The following SPOCK1 variants were observed in gnomAD, a reference collection of about 807,000 sequenced individuals.
The protein encoded by SPOCK1 is testican-1.
Under a neutral mutation model 55.3 loss-of-function variants are expected in SPOCK1, and 23 were observed. The observed-to-expected ratio is 0.42, with a 90% CI of 0.30 to 0.59. The LOEUF (loss-of-function observed/expected upper bound fraction) is 0.59, where lower values mean the gene tolerates loss of function less well. Among genes scored for constraint, SPOCK1 ranks in the 20% least tolerant of loss-of-function variants. The pLI, the probability that SPOCK1 is intolerant of heterozygous loss-of-function variation, is 0.22. For missense variants in SPOCK1, 499 were observed against 552.5 expected (o/e 0.90, Z 0.97); for synonymous variants, 226 against 221.0 (o/e 1.02, Z -0.20).
At chr5:137,290,483 A>G (rs1757353234) in intron 2 of SPOCK1, among the ~76,000 whole-genome samples, 1 of 152,168 alleles carries the variant, frequency 6.6e-6, no homozygotes, top group South Asian at 2.1e-4. Context: ...CAATTAGGGG[A>G]GCATGAGCGA....
intron 4 of SPOCK1, among the ~76,000 whole-genome samples, chr5:137,130,722 G>A (rs1753858384): frequency 6.6e-6 from 1 of 152,244 alleles, no homozygotes; most frequent in African/African-American, 2.4e-5. Context: ...TAGACTTGCA[G>A]TTCACTGGGA....
chr5:137,496,281 A>T (rs1180122729), intron 2 of SPOCK1, among the ~76,000 whole-genome samples: 4 of 152,220 alleles, frequency 2.6e-5, no homozygotes, highest in African/African-American at 9.6e-5. Flanking sequence ...TTGGAAACAC[A>T]CTGTTCCAAA....
intron 4 of SPOCK1, among the ~76,000 whole-genome samples, chr5:137,128,965 T>C (rs1239428951): frequency 2.0e-5 from 3 of 152,204 alleles, no homozygotes. Flanking sequence ...CAGAACCCTC[T>C]AGATTCTCTC....
At chr5:137,337,976 T>C (rs998368763) in intron 2 of SPOCK1, among the ~76,000 whole-genome samples, 4 of 152,204 alleles carry the variant, frequency 2.6e-5, no homozygotes, top group South Asian at 2.1e-4. Context: ...CCTGAGTCTG[T>C]TTCTCTATCT....
chr5:137,017,597 ACAT>A (rs1209298656), intron 6 of SPOCK1, among the ~76,000 whole-genome samples: 1 of 152,214 alleles, frequency 6.6e-6, no homozygotes, highest in African/African-American at 2.4e-5. Flanking sequence ...GTCTTAAAGG[ACAT>A]CATAATAGAA....
At chr5:137,014,004 A>G (rs1425105226) in intron 6 of SPOCK1, among the ~76,000 whole-genome samples, 2 of 152,038 alleles carry the variant, frequency 1.3e-5, no homozygotes, top group Admixed American at 1.3e-4. Flanking sequence ...CCTTGCCCAA[A>G]TCTATGTTGA....
chr5:137,058,838 A>C (rs1561593863), intron 6 of SPOCK1, among the ~76,000 whole-genome samples: 2 of 152,150 alleles, frequency 1.3e-5, no homozygotes, highest in Admixed American at 1.3e-4. Flanking sequence ...AGTGGTGAGA[A>C]GGGCACATTT....
At chr5:137,441,668 T>C (rs1407524436) in intron 2 of SPOCK1, among the ~76,000 whole-genome samples, 1 of 152,226 alleles carries the variant, frequency 6.6e-6, no homozygotes, top group South Asian at 2.1e-4. Flanking sequence ...CTGTGTCTTA[T>C]GCTGCACGGA....
intron 5 of SPOCK1, among the ~76,000 whole-genome samples, chr5:137,094,045 G>A (rs1036263763): frequency 2.0e-4 from 30 of 152,332 alleles, no homozygotes; most frequent in African/African-American, 6.7e-4. Flanking sequence ...ATGGGGATAA[G>A]TGGCCAAAAT....
intron 5 of SPOCK1, among the ~76,000 whole-genome samples, chr5:137,074,262 A>T (rs565670113): frequency 6.6e-6 from 1 of 152,354 alleles, no homozygotes; most frequent in East Asian, 1.9e-4. Flanking sequence ...AAAACACATT[A>T]TTATACAAAC....
chr5:137,163,579 C>T (rs1282687154), intron 3 of SPOCK1, among the ~76,000 whole-genome samples: 1 of 152,190 alleles, frequency 6.6e-6, no homozygotes, highest in African/African-American at 2.4e-5. Context: ...TACCATCTCA[C>T]TAAATCCTCA....
At chr5:137,245,157 G>T (rs917623972) in intron 3 of SPOCK1, among the ~76,000 whole-genome samples, 1 of 152,110 alleles carries the variant, frequency 6.6e-6, no homozygotes, top group Non-Finnish European at 1.5e-5. Flanking sequence ...CCCACTAAAA[G>T]GAGAAAATAA....
rs558199498 is a variant in SPOCK1, at chr5:137,414,574, A to T, written c.186+83799T>A. Among the ~76,000 whole-genome samples the T allele has an allele frequency of 2.6e-5, 4 of 152,326 alleles. No individual in the cohort carries two copies. In the East Asian group the frequency reaches 7.7e-4, roughly 29 times the overall value. On this transcript the variant is annotated intron_variant, in intron 2 of 10. Transcript: ENST00000394945. ...CATTTCCCCATATTAAATGGAAGAC[A>T]TTCACTTGCTGGGGGCGAAACATTG... is the stretch of plus-strand genomic sequence containing the variant.
intron 6 of SPOCK1, among the ~76,000 whole-genome samples, chr5:137,051,919 C>A (rs1311988712): frequency 1.3e-5 from 2 of 152,174 alleles, no homozygotes; most frequent in African/African-American, 4.8e-5. Context: ...TGGCTTACTG[C>A]TTTTGACCTG....
intron 2 of SPOCK1, among the ~76,000 whole-genome samples, chr5:137,357,207 C>A (rs561296797): frequency 2.0e-5 from 3 of 152,196 alleles, no homozygotes; most frequent in African/African-American, 7.2e-5. Context: ...TACACTAGTC[C>A]ATCCTCTTCT....
At chr5:137,095,923 T>C (rs1753137579) in intron 5 of SPOCK1, among the ~76,000 whole-genome samples, 1 of 143,240 alleles carries the variant, frequency 7.0e-6, no homozygotes, top group South Asian at 2.3e-4. Flanking sequence ...TCAGGAACCC[T>C]CATTCCCTCC....
At chr5:137,244,671 A>G (rs1444410824) in intron 3 of SPOCK1, among the ~76,000 whole-genome samples, 2 of 152,190 alleles carry the variant, frequency 1.3e-5, no homozygotes, top group African/African-American at 4.8e-5. Context: ...ATTTTGTTCT[A>G]CCCTCAATGG....
At chr5:137,377,107 T>G (rs13361820) in intron 2 of SPOCK1, among the ~76,000 whole-genome samples, 12,976 of 152,266 alleles carry the variant, frequency 0.085, 1,250 homozygotes, top group African/African-American at 0.24. Flanking sequence ...GGATAAGCCC[T>G]CCTCCAATTT....
intron 2 of SPOCK1, among the ~76,000 whole-genome samples, chr5:137,273,585 G>A (rs1243341404): frequency 6.6e-6 from 1 of 152,196 alleles, no homozygotes; most frequent in Non-Finnish European, 1.5e-5. Flanking sequence ...CATGGGAAAG[G>A]ACATGAGGTT....
Sources: allele counts gnomAD v4.1 joint callset (sites outside exome capture counted in the v4.1 genomes callset), GRCh38; gene constraint gnomAD v4.1.1; transcripts MANE v1.5; gene names NCBI Gene and HGNC (gene_info 2026-07-23, HGNC 2026-07-21).